PTGIS: variants seen among roughly 807,000 people sequenced by gnomAD.
The protein encoded by PTGIS is prostaglandin I2 synthase, also known as prostacyclin synthase.
A neutral mutation model predicts 50.3 loss-of-function variants in PTGIS; 45 were observed. That is an observed-to-expected ratio of 0.90 (90% confidence interval 0.70 to 1.15). The LOEUF (loss-of-function observed/expected upper bound fraction) is 1.15, where lower values mean the gene tolerates loss of function less well. Ranked by LOEUF, PTGIS falls within the 50% of genes most tolerant of loss-of-function variation. PTGIS has a pLI of 0.00. For synonymous variants in PTGIS, 260 were observed against 267.7 expected (o/e 0.97, Z 0.28); for missense variants, 668 against 661.3 (o/e 1.01, Z -0.11).
intron 4 of PTGIS, among the ~76,000 whole-genome samples, chr20:49,543,540 C>T (rs1373846771): frequency 6.6e-6 from 1 of 152,212 alleles, no homozygotes; most frequent in African/African-American, 2.4e-5. Flanking sequence ...TCCACCTTCC[C>T]TCCTTGGCTC....
chr20:49,525,562 A>C (rs1188991413), intron 5 of PTGIS, among the ~76,000 whole-genome samples: 1 of 151,766 alleles, frequency 6.6e-6, no homozygotes, highest in East Asian at 1.9e-4. Flanking sequence ...CACTATTTAG[A>C]TATTGTTTTC....
At chr20:49,548,796 T>C (rs574710333) in intron 2 of PTGIS, among the ~76,000 whole-genome samples, 1 of 152,024 alleles carries the variant, frequency 6.6e-6, no homozygotes, top group East Asian at 1.9e-4. Flanking sequence ...CAATGTTAGA[T>C]AGATGGATAA....
At chr20:49,510,823 C>T (rs1247209965) in intron 9 of PTGIS, among the ~76,000 whole-genome samples, 5 of 152,142 alleles carry the variant, frequency 3.3e-5, no homozygotes, top group South Asian at 2.1e-4. Flanking sequence ...AAAAGAAATC[C>T]GAAATCTGGC....
intron 1 of PTGIS, among the ~76,000 whole-genome samples, chr20:49,565,066 C>A (rs1321949845): frequency 6.6e-6 from 1 of 151,082 alleles, no homozygotes; most frequent in Admixed American, 6.6e-5. Context: ...CATCTCCCGG[C>A]TTCATGCCAT....
intron 6 of PTGIS, among the ~76,000 whole-genome samples, chr20:49,518,290 C>T (rs1274963196): frequency 6.6e-6 from 1 of 152,108 alleles, no homozygotes; most frequent in African/African-American, 2.4e-5. Flanking sequence ...GATGGAGAGG[C>T]GAGGCATTGG....
In PTGIS at chr20:49,504,239, C is replaced by T. The variant is rs997776011; in HGVS notation, c.*3681G>A. On this transcript the variant is annotated 3_prime_UTR_variant, in exon 10 of 10. Transcript: ENST00000244043. ...AGGCAATTCTAACACTTGCTTATCT[C>T]GTTTTGTAACAGAGAAGAGAGAGCT... 5 of 152,252 alleles carry T rather than the reference C, an allele frequency of 3.3e-5. No homozygotes were observed. The highest frequency in any genetic ancestry group is 1.3e-4 in the Admixed American group (2 of 15,288). The allele number at this position is 152,252 out of a possible 1,614,324, so 9.4% of individuals were successfully genotyped here.
chr20:49,521,161 T>G (rs534726856), intron 6 of PTGIS, among the ~76,000 whole-genome samples: 2 of 152,368 alleles, frequency 1.3e-5, no homozygotes, highest in South Asian at 4.1e-4. Context: ...CATGTATTCC[T>G]GCCTCCTTTC....
At chr20:49,529,240 T>C (rs1981871829) in intron 5 of PTGIS, among the ~76,000 whole-genome samples, 1 of 152,100 alleles carries the variant, frequency 6.6e-6, no homozygotes, top group Non-Finnish European at 1.5e-5. Flanking sequence ...TAACTCAAAG[T>C]TTATACCCTC....
intron 6 of PTGIS, among the ~76,000 whole-genome samples, chr20:49,519,778 C>T (rs930862483): frequency 1.3e-5 from 2 of 152,174 alleles, no homozygotes; most frequent in African/African-American, 2.4e-5. Flanking sequence ...TGCCATCCCT[C>T]CTGTCACTCA....
intron 5 of PTGIS, among the ~76,000 whole-genome samples, chr20:49,532,143 A>C (rs1981949801): frequency 6.6e-6 from 1 of 152,224 alleles, no homozygotes; most frequent in Non-Finnish European, 1.5e-5. Context: ...GTTAATGCTA[A>C]AATGCTAATA....
intron 4 of PTGIS, among the ~76,000 whole-genome samples, chr20:49,541,646 G>A (rs1465466408): frequency 6.6e-6 from 1 of 152,144 alleles, no homozygotes. Flanking sequence ...CGAGAGAATC[G>A]CTTGAATCTG....
At chr20:49,525,583 CT>C (rs66940862) in intron 5 of PTGIS, among the ~76,000 whole-genome samples, 294 of 145,370 alleles carry the variant, frequency 2.0e-3, no homozygotes, top group Middle Eastern at 7.2e-3. Flanking sequence ...TTTTCTACTT[CT>C]TTTTTTTTTT....
At chr20:49,558,725 T>C (rs1201160754) in intron 1 of PTGIS, among the ~76,000 whole-genome samples, 1 of 151,938 alleles carries the variant, frequency 6.6e-6, no homozygotes, top group African/African-American at 2.4e-5. Context: ...TTTTTTTTTT[T>C]TTTTTGAGAT....
chr20:49,549,224 A>G (rs1429694689), intron 2 of PTGIS, among the ~76,000 whole-genome samples: 2 of 152,202 alleles, frequency 1.3e-5, no homozygotes, highest in African/African-American at 4.8e-5. Flanking sequence ...GCAGATACCA[A>G]AATCTATGGA....
chr20:49,513,167 T>C lies in PTGIS; in HGVS notation c.1119A>G (p.Arg373=), dbSNP rs1981370960. 1 of 1,614,170 alleles carries C rather than the reference T, an allele frequency of 6.2e-7. No homozygotes were observed. Among genetic ancestry groups the C allele is most frequent in the Non-Finnish European group, 8.5e-7 (1 of 1,180,034 alleles). ...VDLAMPMADG[R]EFNLRRGDRL... is the part of the protein sequence containing the mutation. The stretch of plus-strand genomic sequence containing the variant: ...GGTCACCACGTCGCAGGTTGAATTC[T>C]CGCCCGTCTGCCATGGGCATGGCCA... Residue 373 remains arginine (R), a synonymous_variant, in exon 8 of 10, where the codon CGA becomes CGG. Transcript: ENST00000244043.
rs1457574147 is a variant in PTGIS at position 49,507,411 on chromosome 20, G to C, written c.*509C>G. ...CCCCAGGGAAGCAGATCTTCTAAGG[G>C]ACTCCTTTGGTTTTAGCTAGTTTAA... On this transcript the variant is annotated 3_prime_UTR_variant, in exon 10 of 10. Transcript: ENST00000244043. 1 of 214,626 alleles carries C rather than the reference G, an allele frequency of 4.7e-6. No individual in the cohort carries two copies. The highest frequency in any genetic ancestry group is 9.4e-6 in the Non-Finnish European group (1 of 105,944). The allele number at this position is 214,626 out of a possible 1,614,324, so 13.3% of individuals were successfully genotyped here. A position where few individuals can be genotyped will look rare whatever the true frequency, so the allele number is the denominator to read the frequency against.
chr20:49,513,369 T>A, intron 7 of PTGIS, 108 bp from the exon 8 acceptor site: 1 of 1,292,724 alleles, frequency 7.7e-7, no homozygotes, highest in South Asian at 1.3e-5. Flanking sequence ...TCAGAGAGGG[T>A]GCCTGCCTCG....
chr20:49,543,618 T>A (rs922828316), intron 4 of PTGIS, among the ~76,000 whole-genome samples: 2 of 152,200 alleles, frequency 1.3e-5, no homozygotes, highest in Non-Finnish European at 2.9e-5. Context: ...GCACCTGCTG[T>A]TTCCCCTGCC....
chr20:49,546,057 C>T (rs928356970), intron 3 of PTGIS, among the ~76,000 whole-genome samples: 11 of 152,210 alleles, frequency 7.2e-5, no homozygotes, highest in South Asian at 4.1e-4. Flanking sequence ...TGAAGGGTTC[C>T]GCACGGTGCC....
Sources: allele counts gnomAD v4.1 joint callset (sites outside exome capture counted in the v4.1 genomes callset), GRCh38; gene constraint gnomAD v4.1.1; transcripts MANE v1.5; gene names NCBI Gene and HGNC (gene_info 2026-07-23, HGNC 2026-07-21).